Variants in MGAT5 observed in about 807,000 individuals in gnomAD.
The protein encoded by MGAT5 is alpha-1,6-mannosylglycoprotein 6-beta-N-acetylglucosaminyltransferase A.
In MGAT5, 30 loss-of-function variants were observed where a neutral mutation model predicts 94.3. The ratio of observed to expected loss-of-function variants is 0.32; its 90% confidence interval spans 0.24 to 0.43. The LOEUF is 0.43. MGAT5 is among the 20% of genes least tolerant of loss of function. The pLI is 1.00. For synonymous variants in MGAT5, 310 were observed against 322.9 expected (o/e 0.96, Z 0.43); for missense variants, 691 against 905.5 (o/e 0.76, Z 3.04).
At chr2:134,343,882 A>T (rs1216654331) in intron 7 of MGAT5, among the ~76,000 whole-genome samples, 1 of 143,220 alleles carries the variant, frequency 7.0e-6, no homozygotes, top group African/African-American at 2.5e-5. Context: ...CTGAAAATGT[A>T]TGGCCTGCAA....
intron 10 of MGAT5, among the ~76,000 whole-genome samples, chr2:134,383,375 C>G (rs1427396079): frequency 1.3e-5 from 2 of 152,206 alleles, no homozygotes; most frequent in Non-Finnish European, 2.9e-5. Flanking sequence ...ATTATTTAAA[C>G]AATACACAAT....
At chr2:134,434,028 A>G (rs1685031582) in intron 14 of MGAT5, among the ~76,000 whole-genome samples, 1 of 151,164 alleles carries the variant, frequency 6.6e-6, no homozygotes, top group South Asian at 2.1e-4. Context: ...GGGTTTCTGG[A>G]CCCCCTTCAC....
chr2:134,245,258 C>CG (rs1285217905), intron 1 of MGAT5, among the ~76,000 whole-genome samples: 1 of 152,188 alleles, frequency 6.6e-6, no homozygotes, highest in Non-Finnish European at 1.5e-5. Context: ...GTGATCCGCC[C>CG]CCTCGGCCTC....
At chr2:134,375,273 A>T (rs1444477167) in intron 10 of MGAT5, among the ~76,000 whole-genome samples, 1 of 152,198 alleles carries the variant, frequency 6.6e-6, no homozygotes, top group Non-Finnish European at 1.5e-5. Flanking sequence ...TACATCATGT[A>T]TTGTAGCCAA....
chr2:134,347,321 T>C (rs2106032797), intron 8 of MGAT5, among the ~76,000 whole-genome samples: 1 of 152,266 alleles, frequency 6.6e-6, no homozygotes, highest in African/African-American at 2.4e-5. Context: ...CTGAGAGACA[T>C]CCGATCATTC....
rs569570230 is a variant in MGAT5 at position 134,273,037 on chromosome 2, G to A, written c.406+2487G>A. Among the ~76,000 whole-genome samples, 704 of 150,310 alleles carry A rather than the reference G, an allele frequency of 4.7e-3. 1 individual carries two copies. The highest frequency in any genetic ancestry group is 0.013 in the South Asian group (61 of 4,708). ...TGTGTGTGTGCGCGCGCGCGTGCGC[G>A]TGCATGCATGCAGAGGCATCCCTTT... On this transcript the variant is annotated intron_variant, in intron 2 of 15. Coordinates refer to ENST00000281923, the MANE Select transcript of MGAT5 (RefSeq NM_002410.5).
chr2:134,389,650 A>G (rs1210862533), intron 10 of MGAT5, among the ~76,000 whole-genome samples: 1 of 152,200 alleles, frequency 6.6e-6, no homozygotes, highest in East Asian at 1.9e-4. Flanking sequence ...TGGTGTGTGA[A>G]GGTGACCTGA....
At position 134,339,932 on chromosome 2, in the gene MGAT5, A is replaced by G. The variant is rs114152168; in HGVS notation, c.807+1512A>G. 8.6e-3 allele frequency among the ~76,000 whole-genome samples: 1,304 copies of G among 152,314 alleles called. 17 individuals are homozygous for G. Among genetic ancestry groups the G allele is most frequent in the African/African-American group, 0.03 (1,235 of 41,582 alleles). On this transcript the variant is annotated intron_variant, in intron 6 of 15. Transcript: ENST00000281923. ...TAAAACCATTTTTATTAATCATGTA[A>G]TATGTGGTAGCATTGATATTCTCAT... is the stretch of plus-strand genomic sequence containing the variant.
intron 11 of MGAT5, among the ~76,000 whole-genome samples, chr2:134,408,068 T>C (rs538919368): frequency 6.6e-6 from 1 of 152,330 alleles, no homozygotes; most frequent in African/African-American, 2.4e-5. Context: ...TTGGTACTGT[T>C]ATAAACGGTA....
At chr2:134,314,928 C>T (rs531787063) in intron 2 of MGAT5, among the ~76,000 whole-genome samples, 1 of 152,288 alleles carries the variant, frequency 6.6e-6, no homozygotes, top group South Asian at 2.1e-4. Flanking sequence ...ATTCGTTCAG[C>T]TGTTATCTGT....
intron 1 of MGAT5, among the ~76,000 whole-genome samples, chr2:134,201,662 C>T (rs1457798593): frequency 1.3e-5 from 2 of 151,984 alleles, no homozygotes; most frequent in Non-Finnish European, 2.9e-5. Context: ...AGATCCTCCA[C>T]GGCAGTTGTT....
intron 7 of MGAT5, among the ~76,000 whole-genome samples, chr2:134,343,229 T>C (rs1480469684): frequency 6.6e-6 from 1 of 152,222 alleles, no homozygotes; most frequent in African/African-American, 2.4e-5. Context: ...TTGTTCAGTA[T>C]GTCCTCACTT....
intron 12 of MGAT5, among the ~76,000 whole-genome samples, chr2:134,420,458 GA>G (rs1486734407): frequency 6.6e-6 from 1 of 152,220 alleles, no homozygotes; most frequent in East Asian, 1.9e-4. Flanking sequence ...TAGAGGCCCA[GA>G]TAACCTGCAG....
At chr2:134,254,671 A>C in intron 1 of MGAT5, 27 bp downstream of exon 1, 1 of 1,612,610 alleles carries the variant, frequency 6.2e-7, no homozygotes, top group Non-Finnish European at 8.5e-7. Flanking sequence ...GGACCTCTCC[A>C]TTAAAGTGTG....
chr2:134,404,663 C>A (rs1683237882), intron 11 of MGAT5, among the ~76,000 whole-genome samples: 1 of 152,204 alleles, frequency 6.6e-6, no homozygotes, highest in East Asian at 1.9e-4. Context: ...TCTGTAAATG[C>A]ATTTGATCCT....
chr2:134,186,702 G>A (rs1439904683), intron 1 of MGAT5, among the ~76,000 whole-genome samples: 1 of 152,104 alleles, frequency 6.6e-6, no homozygotes, highest in Non-Finnish European at 1.5e-5. Flanking sequence ...CCAGGATTGT[G>A]GATCGTGACT....
At chr2:134,161,161 C>T (rs188498744) in intron 1 of MGAT5, among the ~76,000 whole-genome samples, 2 of 152,196 alleles carry the variant, frequency 1.3e-5, no homozygotes, top group East Asian at 1.9e-4. Flanking sequence ...GAAGGACAGA[C>T]GTTGTCACCA....
At chr2:134,362,451 G>C (rs770547815) in intron 10 of MGAT5, 43 bp downstream of exon 10, 1 of 1,598,060 alleles carries the variant, frequency 6.3e-7, no homozygotes, top group South Asian at 1.1e-5. Flanking sequence ...AAAGAAGCTT[G>C]TTGGGTAATT....
intron 7 of MGAT5, among the ~76,000 whole-genome samples, chr2:134,342,137 C>T (rs1194807430): frequency 2.6e-5 from 4 of 152,172 alleles, no homozygotes; most frequent in Non-Finnish European, 5.9e-5. Context: ...AATCTTGAAA[C>T]AGGGCAGGTT....
Sources: gnomAD v4.1 joint callset for allele counts (sites outside exome capture counted in the v4.1 genomes callset) on GRCh38, gnomAD v4.1.1 for gene constraint, MANE v1.5 for transcripts, NCBI Gene and HGNC (gene_info 2026-07-23, HGNC 2026-07-21) for gene names.